ACAP2: variants seen among roughly 807,000 people sequenced by gnomAD.
The protein encoded by ACAP2 is ArfGAP with coiled-coil, ankyrin repeat and PH domains 2.
ACAP2 carries 39 observed loss-of-function variants against 115.8 expected under a neutral mutation model. The observed-to-expected ratio is 0.34, with a 90% CI of 0.26 to 0.44. The LOEUF is 0.44. Ranked by LOEUF, ACAP2 falls within the 20% of genes least tolerant of loss-of-function variation. The pLI is 1.00. For missense variants in ACAP2, 662 were observed against 927.6 expected (o/e 0.71, Z 3.72); for synonymous variants, 289 against 315.8 (o/e 0.92, Z 0.90).
chr3:195,356,028 C>G, intron 4 of ACAP2: 1 of 447,612 alleles, frequency 2.2e-6, no homozygotes, highest in Non-Finnish European at 4.5e-6. Context: ...ACAAAAAGCA[C>G]CTTCATAAGA....
chr3:195,330,446 T>C (rs150659874), intron 8 of ACAP2, among the ~76,000 whole-genome samples: 27 of 152,306 alleles, frequency 1.8e-4, no homozygotes, highest in Admixed American at 1.6e-3. Flanking sequence ...TTAAATGTTT[T>C]AAAAACACAT....
chr3:195,307,592 A>C (rs909096745), intron 11 of ACAP2, among the ~76,000 whole-genome samples: 16 of 152,160 alleles, frequency 1.1e-4, no homozygotes, highest in Admixed American at 1.3e-4. Flanking sequence ...ATGCTCAATA[A>C]ATGTTAATGT....
chr3:195,317,621 C>T (rs143756083), intron 10 of ACAP2, among the ~76,000 whole-genome samples: 418 of 152,220 alleles, frequency 2.7e-3, no homozygotes, highest in African/African-American at 9.5e-3. Context: ...TATATTACTA[C>T]ATGAGAAAAT....
intron 1 of ACAP2, among the ~76,000 whole-genome samples, chr3:195,417,866 T>C (rs1457210195): frequency 6.6e-6 from 1 of 152,040 alleles, no homozygotes; most frequent in Non-Finnish European, 1.5e-5. Flanking sequence ...GGAGGATCGC[T>C]TGAGTCTTGG....
At chr3:195,284,503 C>T (rs1458636426) in intron 22 of ACAP2, among the ~76,000 whole-genome samples, 4 of 152,094 alleles carry the variant, frequency 2.6e-5, no homozygotes, top group African/African-American at 9.7e-5. Flanking sequence ...AAGTGGGACA[C>T]CCTAGATTAG....
chr3:195,419,749 C>T (rs1994880), intron 1 of ACAP2, among the ~76,000 whole-genome samples: 36,467 of 151,992 alleles, frequency 0.24, 5,103 homozygotes, highest in East Asian at 0.71. Flanking sequence ...GTAACCTACC[C>T]AAACAGCCAG....
chr3:195,334,710 G>T (rs1158456443), intron 7 of ACAP2, among the ~76,000 whole-genome samples: 1 of 152,176 alleles, frequency 6.6e-6, no homozygotes, highest in East Asian at 1.9e-4. Context: ...GCAATGCTCA[G>T]TGTTGGTAAA....
intron 4 of ACAP2, among the ~76,000 whole-genome samples, chr3:195,374,428 T>C (rs1733377430): frequency 6.6e-6 from 1 of 152,116 alleles, no homozygotes; most frequent in Non-Finnish European, 1.5e-5. Flanking sequence ...AATATAAGCA[T>C]TACTTGTGTC....
intron 10 of ACAP2, 28 bp from the exon 11 acceptor site, chr3:195,308,865 T>C (rs745576488): frequency 6.4e-7 from 1 of 1,562,956 alleles, no homozygotes; most frequent in South Asian, 1.2e-5. Context: ...AGATTAAGTT[T>C]TCATAAACAT....
chr3:195,288,836 G>C (rs924724909), intron 21 of ACAP2, among the ~76,000 whole-genome samples: 4 of 152,196 alleles, frequency 2.6e-5, no homozygotes, highest in African/African-American at 9.7e-5. Flanking sequence ...AACAGAGTGA[G>C]AGTCGGTCTC....
chr3:195,300,925 C>T (rs769930386), intron 15 of ACAP2, among the ~76,000 whole-genome samples: 19 of 152,014 alleles, frequency 1.2e-4, no homozygotes, highest in Admixed American at 6.6e-4. Flanking sequence ...GTCTGCAGCA[C>T]GAGGATTCTT....
chr3:195,294,144 A>C (rs1161513734), intron 18 of ACAP2, among the ~76,000 whole-genome samples: 1 of 152,108 alleles, frequency 6.6e-6, no homozygotes, highest in Non-Finnish European at 1.5e-5. Context: ...ATCTCAAAAA[A>C]ATAAATAAAT....
intron 10 of ACAP2, among the ~76,000 whole-genome samples, chr3:195,319,659 G>A (rs1477138554): frequency 6.6e-6 from 1 of 152,214 alleles, no homozygotes; most frequent in African/African-American, 2.4e-5. Flanking sequence ...TCTGGAATGG[G>A]AACATTTACC....
At chr3:195,426,239 C>T (rs1714676259) in intron 1 of ACAP2, among the ~76,000 whole-genome samples, 1 of 152,168 alleles carries the variant, frequency 6.6e-6, no homozygotes, top group African/African-American at 2.4e-5. Flanking sequence ...CTTCTCCCCA[C>T]AACCACCACC....
In ACAP2 at chr3:195,289,230, G is replaced by C; in HGVS notation, c.2065C>G (p.Gln689Glu). ...CCTCGTTTTAGGAATAAACATACCT[G>C]CCTGTTTAAGAACACAGCATTTTTG... ...HHATVLGHTG[Q>E]VCLFLKRGAN... Residue 689 changes from glutamine (Q) to glutamate (E), a missense_variant and splice_region_variant, in exon 21 of 23, where the codon CAG (glutamine) becomes GAG (glutamate). Transcript: ENST00000326793. 4 of 1,604,240 alleles carry C rather than the reference G, an allele frequency of 2.5e-6. No individual in the cohort carries two copies. The East Asian group carries it at 9.0e-5, about 36-fold the overall frequency.
chr3:195,279,915 T>A (rs554533576), intron 22 of ACAP2: 1 of 152,272 alleles, frequency 6.6e-6, no homozygotes, highest in African/African-American at 2.4e-5. Context: ...AATAATACTA[T>A]CTTTTAATTA....
intron 1 of ACAP2, among the ~76,000 whole-genome samples, chr3:195,422,249 T>C (rs1195191869): frequency 6.6e-6 from 1 of 152,082 alleles, no homozygotes; most frequent in East Asian, 1.9e-4. Flanking sequence ...TTAAAGCAAA[T>C]CCTAGATGCT....
At chr3:195,376,681 T>A (rs1733567319) in intron 4 of ACAP2, among the ~76,000 whole-genome samples, 1 of 152,232 alleles carries the variant, frequency 6.6e-6, no homozygotes, top group Non-Finnish European at 1.5e-5. Flanking sequence ...TGATTTATTT[T>A]ATTAAATGAC....
intron 1 of ACAP2, among the ~76,000 whole-genome samples, chr3:195,396,112 G>A (rs981750493): frequency 7.2e-5 from 11 of 151,972 alleles, no homozygotes; most frequent in Admixed American, 2.6e-4. Flanking sequence ...TTAGCCAGGC[G>A]TGGTGGCAGG....
Sources: allele counts gnomAD v4.1 joint callset (sites outside exome capture counted in the v4.1 genomes callset), GRCh38; gene constraint gnomAD v4.1.1; transcripts MANE v1.5; gene names NCBI Gene and HGNC (gene_info 2026-07-23, HGNC 2026-07-21).